CACNA2D3: variants seen among roughly 807,000 people sequenced by gnomAD.
The protein encoded by CACNA2D3 is calcium voltage-gated channel auxiliary subunit alpha2delta 3, also known as voltage-dependent calcium channel subunit alpha-2/delta-3.
In CACNA2D3, 60 loss-of-function variants were observed where a neutral mutation model predicts 160.6. That is an observed-to-expected ratio of 0.37 (90% CI 0.30 to 0.46). The LOEUF is 0.46. Among genes scored for constraint, CACNA2D3 ranks in the 20% least tolerant of loss-of-function variants. CACNA2D3 has a pLI of 1.00. For missense variants in CACNA2D3, 1,205 were observed against 1,365.0 expected (o/e 0.88, Z 1.85); for synonymous variants, 558 against 492.9 (o/e 1.13, Z -1.75).
At chr3:54,588,922 A>G (rs921679401) in intron 9 of CACNA2D3, among the ~76,000 whole-genome samples, 7 of 151,218 alleles carry the variant, frequency 4.6e-5, no homozygotes, top group Non-Finnish European at 8.9e-5. Context: ...TATATTTAAT[A>G]TTAATATGTA....
In CACNA2D3 at chr3:54,137,747, C is replaced by T. The variant is rs80072969; in HGVS notation, c.204+14153C>T. Among the ~76,000 whole-genome samples, 1,518 of 152,180 alleles carry T rather than the reference C, an allele frequency of 1.0e-2. 69 individuals carry two copies. The East Asian group carries it at 0.15, about 15-fold the overall frequency. Reference sequence around the variant, plus strand: ...GTCTATTCAACGCAAGTTGACTAGACGGGACTCTGTTGTACTCTATTCTAC... The same window carrying T: ...GTCTATTCAACGCAAGTTGACTAGATGGGACTCTGTTGTACTCTATTCTAC... On this transcript the variant is annotated intron_variant, in intron 2 of 37. Transcript: ENST00000474759.
chr3:54,603,745 G>A (rs1703108558), intron 9 of CACNA2D3, among the ~76,000 whole-genome samples: 1 of 152,090 alleles, frequency 6.6e-6, no homozygotes, highest in Non-Finnish European at 1.5e-5. Flanking sequence ...CTTACTACAC[G>A]AAACAATCAA....
intron 11 of CACNA2D3, among the ~76,000 whole-genome samples, chr3:54,732,451 T>A (rs985171086): frequency 6.6e-6 from 1 of 152,184 alleles, no homozygotes. Flanking sequence ...GGGTGAGAGT[T>A]CAGCTTTTGA....
intron 25 of CACNA2D3, among the ~76,000 whole-genome samples, chr3:54,891,682 A>G (rs1406965093): frequency 6.6e-6 from 1 of 152,042 alleles, no homozygotes; most frequent in Admixed American, 6.6e-5. Context: ...GCTTCTGTCC[A>G]CTGTCCTGGA....
chr3:54,848,754 C>T (rs1423066311), intron 17 of CACNA2D3, among the ~76,000 whole-genome samples: 1 of 152,246 alleles, frequency 6.6e-6, no homozygotes, highest in Non-Finnish European at 1.5e-5. Context: ...CCTAGTCCCA[C>T]TACATCCACA....
At chr3:54,729,998 C>T (rs1390519522) in intron 11 of CACNA2D3, among the ~76,000 whole-genome samples, 1 of 109,510 alleles carries the variant, frequency 9.1e-6, no homozygotes, top group Non-Finnish European at 1.8e-5. Flanking sequence ...GACTCCATCT[C>T]AAAAAAAAAA....
chr3:54,400,036 A>G (rs1382971888), intron 4 of CACNA2D3, among the ~76,000 whole-genome samples: 5 of 131,254 alleles, frequency 3.8e-5, no homozygotes, highest in South Asian at 2.6e-4. Flanking sequence ...GAAAAGTGCA[A>G]TATTCGGGTG....
intron 2 of CACNA2D3, among the ~76,000 whole-genome samples, chr3:54,284,686 A>G (rs1176080455): frequency 2.0e-5 from 3 of 152,232 alleles, no homozygotes; most frequent in Non-Finnish European, 2.9e-5. Flanking sequence ...CTCCTTCGGT[A>G]CCAGTACTTC....
In CACNA2D3 at chr3:55,018,220, C is replaced by G; in HGVS notation, c.2890C>G (p.Gln964Glu). The G allele has an allele frequency of 6.2e-7, 1 of 1,611,416 alleles. No homozygotes were observed. Among genetic ancestry groups the G allele is most frequent in the Non-Finnish European group, 8.5e-7 (1 of 1,177,958 alleles). ...DMTAKAQKLK[Q>E]TLEPCDTEYP... ...TATCCCTACAGCCCAGAAATTGAAA[C>G]AGACCCTGGAGCCTTGTGATACTGA... Residue 964 changes from glutamine to glutamate, a missense_variant, in exon 35 of 38, where the codon CAG becomes GAG. Physicochemically the swap from Gln to Glu is conservative, Grantham distance 29. Around this residue, in one of 3 missense-constraint regions of CACNA2D3, gnomAD observed 911 missense variants for 1,002.2 expected, o/e 0.91. Transcript: ENST00000474759.
chr3:54,898,106 CTTTCTTTTTTCTTT>C (rs1156676709), intron 26 of CACNA2D3, among the ~76,000 whole-genome samples: 2 of 151,762 alleles, frequency 1.3e-5, no homozygotes, highest in African/African-American at 4.8e-5. Context: ...TCCTTCCTTT[CTTTCTTTTTTCTTT>C]CTTTCTTTTT....
At chr3:54,813,217 A>C (rs1703365060) in intron 13 of CACNA2D3, among the ~76,000 whole-genome samples, 1 of 152,228 alleles carries the variant, frequency 6.6e-6, no homozygotes, top group African/African-American at 2.4e-5. Context: ...TGGGCCAGGA[A>C]GGAACCCAAT....
intron 2 of CACNA2D3, among the ~76,000 whole-genome samples, chr3:54,293,324 G>A (rs1161310909): frequency 2.6e-5 from 4 of 152,080 alleles, no homozygotes; most frequent in Non-Finnish European, 5.9e-5. Context: ...CACGGTACCC[G>A]ATGTGTAGTC....
At chr3:54,647,331 A>G (rs983914707) in intron 11 of CACNA2D3, among the ~76,000 whole-genome samples, 1 of 152,248 alleles carries the variant, frequency 6.6e-6, no homozygotes, top group African/African-American at 2.4e-5. Flanking sequence ...GAAGGAAATT[A>G]CTTACCTAGC....
chr3:54,246,145 A>T (rs2107415039), intron 2 of CACNA2D3, among the ~76,000 whole-genome samples: 1 of 152,334 alleles, frequency 6.6e-6, no homozygotes, highest in Non-Finnish European at 1.5e-5. Context: ...TCTCTAGTGT[A>T]TTTCTCAGAA....
chr3:54,503,539 G>T lies in CACNA2D3; in HGVS notation c.429G>T (p.Gly143=). 6 of 1,613,894 alleles carry T rather than the reference G, an allele frequency of 3.7e-6. No individual in the cohort carries two copies. The highest frequency in any genetic ancestry group is 5.1e-6 in the Non-Finnish European group (6 of 1,179,800). Reference sequence around the variant, plus strand: ...TGATAAATGAAAGGGACAAAGACGGGAATTTTTTGGAGCTGGGAAAGGAAT... The same window carrying T: ...TGATAAATGAAAGGGACAAAGACGGTAATTTTTTGGAGCTGGGAAAGGAAT... ...AVLINERDKD[G]NFLELGKEFI... The change falls in exon 5 of 38, where the codon GGG becomes GGT. Residue 143 remains glycine, a synonymous_variant. Coordinates refer to ENST00000474759, the MANE Select transcript of CACNA2D3 (RefSeq NM_018398.3).
intron 5 of CACNA2D3, 97 bp from the exon 6 acceptor site, chr3:54,562,703 A>T (rs1357986083): frequency 1.9e-6 from 2 of 1,027,586 alleles, no homozygotes; most frequent in Non-Finnish European, 2.9e-6. Flanking sequence ...AAGATGGAGT[A>T]CCTTGTGCCA....
intron 11 of CACNA2D3, among the ~76,000 whole-genome samples, chr3:54,690,350 T>C (rs1408366687): frequency 6.6e-6 from 1 of 152,172 alleles, no homozygotes; most frequent in African/African-American, 2.4e-5. Flanking sequence ...ATTTACTTAT[T>C]TATAGTGTTC....
chr3:54,386,791 T>G lies in CACNA2D3; in HGVS notation c.381+17T>G. ...GACTTACAGGTAACTGATTATAGTT[T>G]GAGTTAAATTGTTTTGTGTGTTTCC... On this transcript the variant is annotated intron_variant, in intron 4 of 37. Coordinates refer to ENST00000474759, the MANE Select transcript of CACNA2D3 (RefSeq NM_018398.3). 1 of 1,576,702 alleles carries G rather than the reference T, an allele frequency of 6.3e-7. No homozygotes were observed. Among genetic ancestry groups the G allele is most frequent in the Non-Finnish European group, 8.6e-7 (1 of 1,158,902 alleles).
At chr3:54,284,437 C>T (rs142971298) in intron 2 of CACNA2D3, among the ~76,000 whole-genome samples, 1 of 151,970 alleles carries the variant, frequency 6.6e-6, no homozygotes, top group African/African-American at 2.4e-5. Context: ...AAATATACCA[C>T]AATAACATAT....
Sources: gnomAD v4.1 joint callset for allele counts (sites outside exome capture counted in the v4.1 genomes callset) on GRCh38, gnomAD v4.1.1 for gene constraint, gnomAD v4.1.1 regional missense constraint, MANE v1.5 for transcripts, NCBI Gene and HGNC (gene_info 2026-07-23, HGNC 2026-07-21) for gene names.